Variants in LRFN5 observed in about 807,000 individuals in gnomAD.
LRFN5 encodes leucine rich repeat and fibronectin type III domain containing 5, also known as leucine-rich repeat and fibronectin type-III domain-containing protein 5.
Under a neutral mutation model 45.6 loss-of-function variants are expected in LRFN5, and 24 were observed. The ratio of observed to expected loss-of-function variants is 0.53; its 90% CI spans 0.38 to 0.74. LRFN5 has a LOEUF of 0.74. Ranked by LOEUF, LRFN5 falls within the 30% of genes least tolerant of loss-of-function variation. The pLI, the probability that LRFN5 is intolerant of heterozygous loss-of-function variation, is 0.00. For missense variants in LRFN5, 776 were observed against 861.5 expected, an observed-to-expected ratio of 0.90 and a Z score of 1.24; for synonymous variants, 340 against 313.8, an observed-to-expected ratio of 1.08 and a Z score of -0.88.
intron 1 of LRFN5, among the ~76,000 whole-genome samples, chr14:41,724,982 G>C (rs1883872665): frequency 6.6e-6 from 1 of 151,858 alleles, no homozygotes; most frequent in African/African-American, 2.4e-5. Context: ...TTTTTTAACA[G>C]AGCTGAATTG....
intron 2 of LRFN5, among the ~76,000 whole-genome samples, chr14:41,882,476 C>T (rs1890414403): frequency 6.6e-6 from 1 of 152,132 alleles, no homozygotes; most frequent in Admixed American, 6.5e-5. Flanking sequence ...CCATTCTTTC[C>T]AAGCTGAAAA....
At chr14:41,709,024 A>G (rs1029020439) in intron 1 of LRFN5, among the ~76,000 whole-genome samples, 3 of 151,918 alleles carry the variant, frequency 2.0e-5, no homozygotes, top group African/African-American at 7.2e-5. Context: ...GTGATATTCT[A>G]GGTTTATTTT....
chr14:41,672,587 T>G (rs1194701125), intron 1 of LRFN5, among the ~76,000 whole-genome samples: 9 of 152,234 alleles, frequency 5.9e-5, no homozygotes, highest in Non-Finnish European at 5.9e-5. Flanking sequence ...AAATTTCTTA[T>G]GTGTCATGCA....
chr14:41,893,628 T>C lies in LRFN5; in HGVS notation c.2098+1666T>C, dbSNP rs928083273. 3.0e-6 allele frequency: 3 copies of C among 985,190 alleles called. No homozygotes were observed. In the African/African-American group the frequency reaches 5.2e-5, roughly 17 times the overall value. The allele number at this position is 985,190 out of a possible 1,614,324, so 61.0% of individuals were successfully genotyped here. A position where few individuals can be genotyped will look rare whatever the true frequency, so the allele number is the denominator to read the frequency against. On this transcript the variant is annotated intron_variant, in intron 4 of 5. Transcript: ENST00000298119. ...CGTTAATTTCCTTCTGGTAGAAGCATATACAACAATTTCAGTTACTGTTAA... is the reference window on the plus strand; with the variant it reads ...CGTTAATTTCCTTCTGGTAGAAGCACATACAACAATTTCAGTTACTGTTAA...
chr14:41,800,626 A>T (rs1887294492), intron 2 of LRFN5, among the ~76,000 whole-genome samples: 1 of 151,896 alleles, frequency 6.6e-6, no homozygotes, highest in South Asian at 2.1e-4. Context: ...TAAATATGAG[A>T]TACAAACTAA....
chr14:41,890,713 A>T (rs957496300), intron 3 of LRFN5, among the ~76,000 whole-genome samples: 1 of 142,722 alleles, frequency 7.0e-6, no homozygotes, highest in Non-Finnish European at 1.6e-5. Flanking sequence ...TCTCAAAAAA[A>T]AAAAAAAAAA....
chr14:41,618,711 C>T (rs1175065842), intron 1 of LRFN5, among the ~76,000 whole-genome samples: 1 of 152,172 alleles, frequency 6.6e-6, no homozygotes, highest in Admixed American at 6.5e-5. Context: ...ATAACTGAGA[C>T]ACCTGTCTTA....
intron 1 of LRFN5, among the ~76,000 whole-genome samples, chr14:41,653,990 T>C (rs968042635): frequency 2.0e-5 from 3 of 151,964 alleles, no homozygotes; most frequent in Admixed American, 6.6e-5. Flanking sequence ...TAGGTGGGAA[T>C]TGAACAATGA....
chr14:41,891,806 G>A lies in LRFN5; in HGVS notation c.1942G>A (p.Gly648Ser), dbSNP rs150763995. The change falls in exon 4 of 6, where the codon GGC becomes AGC. Residue 648 changes from glycine (G) to serine (S), a missense_variant. Gly to Ser is a moderately conservative substitution (Grantham distance 56, BLOSUM62 0). Around this residue, in one of 2 missense-constraint regions of LRFN5, gnomAD observed 465 missense variants for 456.4 expected, o/e 1.02. Coordinates refer to ENST00000298119, the MANE Select transcript of LRFN5 (RefSeq NM_152447.5). Reference sequence around the variant, plus strand: ...GTCCCAAAAGCAGAAAAGAAAGACTGGCACAAAGCCAAGTACAGAACCACA... The same window carrying A: ...GTCCCAAAAGCAGAAAAGAAAGACTAGCACAAAGCCAAGTACAGAACCACA... The part of the protein sequence containing the change: ...SVSQKQKRKT[G>S]TKPSTEPQNE... 1,870 of 1,614,106 alleles carry A rather than the reference G, an allele frequency of 1.2e-3. 5 individuals are homozygous for A. Among genetic ancestry groups the A allele is most frequent in the Non-Finnish European group, 1.4e-3 (1,645 of 1,180,014 alleles).
rs539231274 is a variant in LRFN5 at position 41,678,464 on chromosome 14, C to T, written c.-197+69902C>T. ...CAATAATAGTTGGGGATTTCAATACCCCATTTTCAATAATGGATATAACAA... is the reference window on the plus strand; with the variant it reads ...CAATAATAGTTGGGGATTTCAATACTCCATTTTCAATAATGGATATAACAA... On this transcript the variant is annotated intron_variant, in intron 1 of 5. Transcript: ENST00000298119. 4.0e-5 allele frequency among the ~76,000 whole-genome samples: 6 copies of T among 151,828 alleles called. No individual in the cohort carries two copies. In the East Asian group the frequency reaches 1.2e-3, roughly 29 times the overall value.
intron 2 of LRFN5, among the ~76,000 whole-genome samples, chr14:41,816,555 T>C (rs191305301): frequency 0.017 from 2,655 of 151,868 alleles, 30 homozygotes; most frequent in African/African-American, 0.036. Flanking sequence ...GAGTACAGTA[T>C]TCTATGTTTT....
chr14:41,628,992 T>G (rs1888442951), intron 1 of LRFN5, among the ~76,000 whole-genome samples: 1 of 152,164 alleles, frequency 6.6e-6, no homozygotes, highest in African/African-American at 2.4e-5. Context: ...ACTGTTAAAA[T>G]CCAGTTGTTA....
chr14:41,687,634 A>G (rs1882180660), intron 1 of LRFN5, among the ~76,000 whole-genome samples: 1 of 152,248 alleles, frequency 6.6e-6, no homozygotes, highest in Admixed American at 6.5e-5. Flanking sequence ...TGCTACATAT[A>G]CACCATGGAA....
intron 1 of LRFN5, among the ~76,000 whole-genome samples, chr14:41,761,450 A>G (rs1270183299): frequency 6.6e-6 from 1 of 152,198 alleles, no homozygotes; most frequent in Non-Finnish European, 1.5e-5. Flanking sequence ...AAAGATCATT[A>G]CCAAAGAGAT....
intron 2 of LRFN5, among the ~76,000 whole-genome samples, chr14:41,862,094 C>T (rs1268876373): frequency 6.6e-6 from 1 of 152,190 alleles, no homozygotes; most frequent in Non-Finnish European, 1.5e-5. Context: ...CATGCTTTAC[C>T]TTCCACAGTG....
intron 1 of LRFN5, among the ~76,000 whole-genome samples, chr14:41,629,155 C>A (rs1888450113): frequency 6.6e-6 from 1 of 152,046 alleles, no homozygotes; most frequent in Admixed American, 6.6e-5. Context: ...GGGGATTTTC[C>A]CACTTTTATT....
chr14:41,892,936 GACAA>G, intron 4 of LRFN5: 2 of 985,202 alleles, frequency 2.0e-6, no homozygotes, highest in Non-Finnish European at 1.2e-6. Flanking sequence ...TAAAGAGGGA[GACAA>G]ACATACAAGA....
At chr14:41,847,410 A>G (rs1889106970) in intron 2 of LRFN5, among the ~76,000 whole-genome samples, 1 of 152,154 alleles carries the variant, frequency 6.6e-6, no homozygotes, top group Admixed American at 6.6e-5. Flanking sequence ...TATAGTTGGA[A>G]TTTTTCAAAA....
intron 2 of LRFN5, among the ~76,000 whole-genome samples, chr14:41,770,720 G>C (rs754795887): frequency 3.9e-5 from 6 of 152,184 alleles, no homozygotes; most frequent in Non-Finnish European, 2.9e-5. Flanking sequence ...GGTTGCAGTT[G>C]TATGCTTGTG....
Sources: allele counts gnomAD v4.1 joint callset (sites outside exome capture counted in the v4.1 genomes callset), GRCh38; gene constraint gnomAD v4.1.1; regional missense constraint gnomAD v4.1.1; transcripts MANE v1.5; gene names NCBI Gene and HGNC (gene_info 2026-07-23, HGNC 2026-07-21).